The following MYO5A variants were observed in gnomAD, a reference collection of about 807,000 sequenced individuals.
MYO5A encodes the protein unconventional myosin-Va.
MYO5A carries 98 observed loss-of-function variants against 249.7 expected under a neutral mutation model. The observed-to-expected ratio is 0.39, with a 90% confidence interval of 0.33 to 0.46. MYO5A has a LOEUF of 0.46. Ranked by LOEUF, MYO5A falls within the 20% of genes least tolerant of loss-of-function variation. The pLI, the probability that MYO5A is intolerant of heterozygous loss-of-function variation, is 0.98. For missense variants in MYO5A, 1,696 were observed against 2,308.8 expected (o/e 0.73, Z 5.44); for synonymous variants, 778 against 810.6 (o/e 0.96, Z 0.68).
At chr15:52,502,305 T>C (rs773521429) in intron 1 of MYO5A, among the ~76,000 whole-genome samples, 6 of 151,968 alleles carry the variant, frequency 3.9e-5, no homozygotes, top group Non-Finnish European at 8.8e-5. Context: ...CATACATACA[T>C]ACATACATAA....
chr15:52,416,039 T>C, intron 5 of MYO5A, 106 bp downstream of exon 5: 1 of 1,306,804 alleles, frequency 7.7e-7, no homozygotes, highest in Non-Finnish European at 1.1e-6. Flanking sequence ...TTAATTTTAG[T>C]GGCTGGAGAC....
chr15:52,447,856 A>G (rs937990602), intron 1 of MYO5A, among the ~76,000 whole-genome samples: 8 of 152,192 alleles, frequency 5.3e-5, no homozygotes, highest in Non-Finnish European at 1.0e-4. Flanking sequence ...GGTGGAAGAA[A>G]TTTCTAAGCA....
intron 30 of MYO5A, among the ~76,000 whole-genome samples, chr15:52,344,808 A>G (rs1162984816): frequency 6.6e-6 from 1 of 152,240 alleles, no homozygotes; most frequent in East Asian, 1.9e-4. Context: ...TGAGAGTAGG[A>G]ACCGCATTTA....
chr15:52,437,931 C>G, intron 1 of MYO5A: 1 of 656,194 alleles, frequency 1.5e-6, no homozygotes, highest in Non-Finnish European at 1.9e-6. Context: ...TATTTAAACA[C>G]TGAACACCAC....
At chr15:52,330,301 C>T in intron 35 of MYO5A, 52 bp downstream of exon 35, 1 of 1,612,384 alleles carries the variant, frequency 6.2e-7, no homozygotes, top group Non-Finnish European at 8.5e-7. Flanking sequence ...GTTTTTCCCA[C>T]CATTAACCCA....
intron 1 of MYO5A, among the ~76,000 whole-genome samples, chr15:52,448,870 T>G (rs1210029043): frequency 6.6e-6 from 1 of 151,674 alleles, no homozygotes; most frequent in Non-Finnish European, 1.5e-5. Context: ...CTATATAGCA[T>G]GTGGAATCGG....
intron 12 of MYO5A, among the ~76,000 whole-genome samples, chr15:52,389,703 A>G (rs966641092): frequency 6.6e-6 from 1 of 152,218 alleles, no homozygotes; most frequent in Non-Finnish European, 1.5e-5. Flanking sequence ...CTGTAATCTC[A>G]GCACTTTGGG....
At chr15:52,327,508 G>A (rs929833253) in intron 36 of MYO5A, among the ~76,000 whole-genome samples, 3 of 152,146 alleles carry the variant, frequency 2.0e-5, no homozygotes, top group Non-Finnish European at 4.4e-5. Flanking sequence ...AGGAACTGGA[G>A]ACCAGCCTGG....
chr15:52,505,612 A>G, intron 1 of MYO5A: 1 of 1,381,202 alleles, frequency 7.2e-7, no homozygotes, highest in Non-Finnish European at 1.0e-6. Context: ...CAAGTCTTCC[A>G]TCTTATTAGA....
Position 52,379,646 on chromosome 15 carries a change from A to G in MYO5A, c.2187T>C (p.Asn729=). The change falls in exon 18 of 42, where the codon AAT becomes AAC. Residue 729 remains asparagine, a synonymous_variant. Coordinates refer to ENST00000399233, the MANE Select transcript of MYO5A (RefSeq NM_001382347.1). ...VLSDRKQTCK[N]VLEKLILDKD... ...TCACCAGTATCAGTTTCTCTAACAC[A>G]TTCTTGCATGTTTGCTTTCTGTCAC... 6.2e-7 allele frequency: 1 copy of G among 1,614,034 alleles called. No individual in the cohort carries two copies. Among genetic ancestry groups the G allele is most frequent in the Non-Finnish European group, 8.5e-7 (1 of 1,179,906 alleles).
At chr15:52,514,764 C>T (rs900819400) in intron 1 of MYO5A, among the ~76,000 whole-genome samples, 5 of 152,128 alleles carry the variant, frequency 3.3e-5, no homozygotes, top group African/African-American at 1.2e-4. Flanking sequence ...TAACAAGATT[C>T]CTAGTAATTC....
intron 1 of MYO5A, among the ~76,000 whole-genome samples, chr15:52,493,525 G>A (rs887374871): frequency 3.9e-5 from 6 of 152,180 alleles, no homozygotes; most frequent in African/African-American, 4.8e-5. Context: ...AGCTGGGCAC[G>A]GTGGCGGGCC....
chr15:52,459,781 C>A (rs1301371223), intron 1 of MYO5A, among the ~76,000 whole-genome samples: 1 of 151,608 alleles, frequency 6.6e-6, no homozygotes, highest in Non-Finnish European at 1.5e-5. Context: ...GACGGGGCGG[C>A]GGCCGGGCAG....
chr15:52,516,735 C>T (rs1015743715), intron 1 of MYO5A, among the ~76,000 whole-genome samples: 4 of 152,218 alleles, frequency 2.6e-5, no homozygotes, highest in Non-Finnish European at 5.9e-5. Flanking sequence ...GAAGGACTCT[C>T]GGGTTCTCAA....
chr15:52,356,370 A>G (rs2040218362), intron 25 of MYO5A, among the ~76,000 whole-genome samples: 1 of 152,154 alleles, frequency 6.6e-6, no homozygotes, highest in Admixed American at 6.5e-5. Context: ...CGCCACAGAA[A>G]AACTACAATT....
At chr15:52,465,697 G>T (rs966576917) in intron 1 of MYO5A, among the ~76,000 whole-genome samples, 3 of 152,090 alleles carry the variant, frequency 2.0e-5, no homozygotes, top group South Asian at 4.1e-4. Context: ...CTTTTAAAAA[G>T]AACTCTTACA....
At chr15:52,423,090 C>T (rs2075315906) in intron 4 of MYO5A, among the ~76,000 whole-genome samples, 1 of 152,066 alleles carries the variant, frequency 6.6e-6, no homozygotes, top group Admixed American at 6.5e-5. Flanking sequence ...ATTTGTATCC[C>T]CCATGCCCAG....
intron 27 of MYO5A, among the ~76,000 whole-genome samples, chr15:52,352,462 A>C (rs113364804): frequency 1.3e-5 from 2 of 152,334 alleles, no homozygotes; most frequent in African/African-American, 4.8e-5. Flanking sequence ...TTGTAGCACT[A>C]TATCAGTCCT....
At chr15:52,370,533 T>C in intron 21 of MYO5A, 116 bp from the exon 22 acceptor site, 2 of 1,100,828 alleles carry the variant, frequency 1.8e-6, no homozygotes, top group Middle Eastern at 2.9e-4. Context: ...ATTGATATAG[T>C]ATCCAACCAA....
Sources: allele counts gnomAD v4.1 joint callset (sites outside exome capture counted in the v4.1 genomes callset), GRCh38; gene constraint gnomAD v4.1.1; transcripts MANE v1.5; gene names NCBI Gene and HGNC (gene_info 2026-07-23, HGNC 2026-07-21).